Variants in CPSF6 observed in about 807,000 individuals in gnomAD.
The protein encoded by CPSF6 is cleavage and polyadenylation specific factor 6.
CPSF6 carries 10 observed loss-of-function variants against 56.7 expected under a neutral mutation model. That is an observed-to-expected ratio of 0.18 (90% CI 0.11 to 0.30). CPSF6 has a LOEUF of 0.30. Among genes scored for constraint, CPSF6 ranks in the 10% least tolerant of loss-of-function variants. The pLI, the probability that CPSF6 is intolerant of heterozygous loss-of-function variation, is 1.00. For missense variants in CPSF6, 419 were observed against 722.9 expected (o/e 0.58, Z 4.82); for synonymous variants, 248 against 244.8 (o/e 1.01, Z -0.12).
chr12:69,245,026 A>G (rs1289065766), intron 1 of CPSF6, among the ~76,000 whole-genome samples: 2 of 150,914 alleles, frequency 1.3e-5, no homozygotes, highest in African/African-American at 2.4e-5. Flanking sequence ...TGAGAGCCTG[A>G]GGCGGCAGAT....
Position 69,272,693 on chromosome 12 carries a change from TAAC to T in CPSF6, c.*3189_*3191del, listed in dbSNP as rs1231634869. 1.3e-5 allele frequency: 2 copies of T among 151,924 alleles called. No individual in the cohort carries two copies. The allele number at this position is 151,924 out of a possible 1,614,324, so 9.4% of individuals were successfully genotyped here. The stretch of plus-strand genomic sequence containing the variant: ...GTATTGAGATTCTCTGTTTTACAGA[TAAC>T]AACTGGTTTTTATTACTCATTAAGT... On this transcript the variant is annotated 3_prime_UTR_variant, in exon 10 of 10. Transcript: ENST00000435070.
intron 3 of CPSF6, 31 bp from the exon 4 acceptor site, chr12:69,256,665 CT>C: frequency 6.3e-7 from 1 of 1,580,624 alleles, no homozygotes; most frequent in South Asian, 1.2e-5. Flanking sequence ...TCTCTTTTTA[CT>C]TTGTATCCTC....
Position 69,260,105 on chromosome 12 carries a change from A to G in CPSF6, c.1377A>G (p.Lys459=). The change falls in exon 8 of 10, where the codon AAA becomes AAG. Residue 459 remains lysine (K), a synonymous_variant. Coordinates refer to ENST00000435070, the MANE Select transcript of CPSF6 (RefSeq NM_007007.3). ...VTAISLIKQS[K]VSADDRCKVL... is the part of the protein sequence containing the mutation. ...CAATTTCTTTAATTAAACAATCCAAAGTATCTGCTGATGATCGTTGCAAAG... is the reference window on the plus strand; with the variant it reads ...CAATTTCTTTAATTAAACAATCCAAGGTATCTGCTGATGATCGTTGCAAAG... The G allele has an allele frequency of 6.2e-7, 1 of 1,613,600 alleles. No homozygotes were observed. The highest frequency in any genetic ancestry group is 8.5e-7 in the Non-Finnish European group (1 of 1,179,726).
At chr12:69,242,950 A>G (rs1312628782) in intron 1 of CPSF6, among the ~76,000 whole-genome samples, 2 of 152,094 alleles carry the variant, frequency 1.3e-5, no homozygotes, top group Non-Finnish European at 2.9e-5. Flanking sequence ...CTCTATCAAA[A>G]TACAAAAATT....
rs754105016 is a variant in CPSF6, at chr12:69,256,712, T to C, written c.390T>C (p.Gly130=). 1.2e-6 allele frequency: 2 copies of C among 1,612,808 alleles called. No individual in the cohort carries two copies. Among genetic ancestry groups the C allele is most frequent in the Non-Finnish European group, 1.7e-6 (2 of 1,179,594 alleles). Residue 130 remains glycine, a synonymous_variant, in exon 4 of 10, where the codon GGT becomes GGC. Coordinates refer to ENST00000435070, the MANE Select transcript of CPSF6 (RefSeq NM_007007.3). ...CACTTTTTAGGTTTGCCCTTGTTGG[T>C]GTTGGATCTGAAGCATCTTCAAAAA... is the stretch of plus-strand genomic sequence containing the variant. ...NGQSKGFALV[G]VGSEASSKKL...
chr12:69,259,096 T>G lies in CPSF6; in HGVS notation c.1199+2T>G. 1 of 1,596,802 alleles carries G rather than the reference T, an allele frequency of 6.3e-7. No individual in the cohort carries two copies. Among genetic ancestry groups the G allele is most frequent in the Non-Finnish European group, 8.5e-7 (1 of 1,177,516 alleles). On this transcript the variant is annotated splice_donor_variant, in intron 6 of 9. Transcript: ENST00000435070. LOFTEE classifies it high-confidence loss of function. ...GGGTGACTATGGCCCCCCTGGAAGG[T>G]AAGTTAGTGTGTATCTGTGAAAGTA...
intron 1 of CPSF6, among the ~76,000 whole-genome samples, chr12:69,244,472 C>A (rs1592791473): frequency 6.6e-6 from 1 of 152,178 alleles, no homozygotes; most frequent in East Asian, 1.9e-4. Context: ...GATCCTCTTG[C>A]CTTGGCTTCC....
Position 69,258,609 on chromosome 12 carries a change from T to C in CPSF6, c.714T>C (p.Arg238=). ...TTTTAGCTGGACAGACTCCACCACG[T>C]CCACCCTTAGGTCCTCCAGGCCCAC... The part of the protein sequence containing the change: ...PPFPAGQTPP[R]PPLGPPGPPG... Residue 238 remains arginine, a synonymous_variant, in exon 6 of 10, where the codon CGT becomes CGC. Transcript: ENST00000435070. The surrounding 1 kb of genome is among the most constrained non-coding windows in gnomAD (Gnocchi z 4.2). The C allele has an allele frequency of 6.2e-7, 1 of 1,611,532 alleles. No individual in the cohort carries two copies. The highest frequency in any genetic ancestry group is 1.3e-5 in the African/African-American group (1 of 74,912).
At position 69,259,552 on chromosome 12, in the gene CPSF6, A is replaced by G. The variant is rs1872657225; in HGVS notation, c.1315+9A>G. 1 of 1,594,932 alleles carries G rather than the reference A, an allele frequency of 6.3e-7. No homozygotes were observed. On this transcript the variant is annotated intron_variant, in intron 7 of 9. Coordinates refer to ENST00000435070, the MANE Select transcript of CPSF6 (RefSeq NM_007007.3). The stretch of plus-strand genomic sequence containing the variant: ...GTCTGATGCCAGTGCTGGTTTGTGT[A>G]TTTCTTGTATTAATATTTCTTATTT...
chr12:69,248,803 A>G (rs1364275481), intron 1 of CPSF6, among the ~76,000 whole-genome samples: 1 of 152,128 alleles, frequency 6.6e-6, no homozygotes, highest in Non-Finnish European at 1.5e-5. Flanking sequence ...CCTCGTAACA[A>G]GTAAAATTGG....
At chr12:69,242,811 A>G (rs1871695897) in intron 1 of CPSF6, among the ~76,000 whole-genome samples, 1 of 152,234 alleles carries the variant, frequency 6.6e-6, no homozygotes, top group Non-Finnish European at 1.5e-5. Flanking sequence ...AAATAATTTA[A>G]AAGTTGAATT....
chr12:69,250,672 A>G (rs1159019242), intron 1 of CPSF6, among the ~76,000 whole-genome samples: 1 of 150,294 alleles, frequency 6.7e-6, no homozygotes, highest in Non-Finnish European at 1.5e-5. Context: ...TTTGAGATGA[A>G]GTCTTGCTCT....
At chr12:69,261,136 T>C (rs1872725534) in intron 8 of CPSF6, among the ~76,000 whole-genome samples, 2 of 152,234 alleles carry the variant, frequency 1.3e-5, no homozygotes, top group Non-Finnish European at 2.9e-5. Context: ...TTTAGTGTAC[T>C]CTATCTGGTA....
chr12:69,254,856 T>G (rs769825233), intron 3 of CPSF6: 2 of 152,210 alleles, frequency 1.3e-5, no homozygotes, highest in Non-Finnish European at 2.9e-5. Context: ...CTATACGAAT[T>G]GGTAATCATT....
intron 3 of CPSF6, among the ~76,000 whole-genome samples, chr12:69,255,752 T>G (rs1872478752): frequency 6.6e-6 from 1 of 152,208 alleles, no homozygotes; most frequent in Non-Finnish European, 1.5e-5. Context: ...TTGGTCAGGC[T>G]GGTCTTGAAC....
rs1873352211 is a variant in CPSF6, at chr12:69,273,524, C to T, written c.*4016C>T. ...TTTTTCACGTGGGAGTATCCTAAAA[C>T]TCTGCCATGGGTGTAAATGTTTTAC... On this transcript the variant is annotated 3_prime_UTR_variant, in exon 10 of 10. Coordinates refer to ENST00000435070, the MANE Select transcript of CPSF6 (RefSeq NM_007007.3). The T allele has an allele frequency of 6.5e-6, 1 of 153,828 alleles. No homozygotes were observed. Among genetic ancestry groups the T allele is most frequent in the African/African-American group, 2.4e-5 (1 of 41,390 alleles). 9.5% of individuals were successfully genotyped at this position (153,828 alleles called of 1,614,324 possible).
chr12:69,261,226 A>G (rs1872728741), intron 8 of CPSF6, among the ~76,000 whole-genome samples: 1 of 152,172 alleles, frequency 6.6e-6, no homozygotes, highest in African/African-American at 2.4e-5. Flanking sequence ...CGGTGTAAGA[A>G]TCTTTGTGTC....
In CPSF6 at chr12:69,259,059, A is replaced by T. The variant is rs749835981; in HGVS notation, c.1164A>T (p.Pro388=). Reference sequence around the variant, plus strand: ...CAACAGATCCATATGGGCGACCTCCACCATATGATAGGGGTGACTATGGCC... The same window carrying T: ...CAACAGATCCATATGGGCGACCTCCTCCATATGATAGGGGTGACTATGGCC... ...PPPTDPYGRP[P]PYDRGDYGPP... Residue 388 remains proline, a synonymous_variant, in exon 6 of 10, where the codon CCA becomes CCT. Coordinates refer to ENST00000435070, the MANE Select transcript of CPSF6 (RefSeq NM_007007.3). The T allele has an allele frequency of 8.5e-5, 137 of 1,603,424 alleles. No homozygotes were observed. The highest frequency in any genetic ancestry group is 1.9e-5 in the Non-Finnish European group (22 of 1,179,914).
intron 9 of CPSF6, among the ~76,000 whole-genome samples, chr12:69,268,852 A>G (rs1251451777): frequency 6.6e-6 from 1 of 151,776 alleles, no homozygotes; most frequent in Non-Finnish European, 1.5e-5. Context: ...ATACTACGTT[A>G]GGTATTTCTA....
Sources: gnomAD v4.1 joint callset for allele counts (sites outside exome capture counted in the v4.1 genomes callset) on GRCh38, gnomAD v4.1.1 for gene constraint, Gnocchi (gnomAD v3.1) non-coding constraint, MANE v1.5 for transcripts, NCBI Gene and HGNC (gene_info 2026-07-23, HGNC 2026-07-21) for gene names.